The following ACMSD variants were observed in gnomAD, a reference collection of about 807,000 sequenced individuals.
The protein encoded by ACMSD is aminocarboxymuconate semialdehyde decarboxylase.
A neutral mutation model predicts 45.9 loss-of-function variants in ACMSD; 37 were observed. The ratio of observed to expected loss-of-function variants is 0.81; its 90% CI spans 0.62 to 1.06. The LOEUF is 1.06. Among genes scored for constraint, ACMSD ranks in the 50% least tolerant of loss-of-function variants. The probability of loss-of-function intolerance (pLI) is 0.00; values close to 1 mark genes in which losing one functional copy is unlikely to be tolerated. For synonymous variants in ACMSD, 138 were observed against 148.8 expected (o/e 0.93, Z 0.53); for missense variants, 434 against 420.9 (o/e 1.03, Z -0.27).
chr2:134,884,435 A>G (rs1248179307), intron 8 of ACMSD, among the ~76,000 whole-genome samples: 1 of 152,244 alleles, frequency 6.6e-6, no homozygotes, highest in Non-Finnish European at 1.5e-5. Context: ...GAAGAATTCC[A>G]GACTAGAAGG....
intron 8 of ACMSD, 123 bp from the exon 9 acceptor site, chr2:134,898,218 T>C (rs1262222266): frequency 3.6e-6 from 2 of 551,882 alleles, no homozygotes; most frequent in Non-Finnish European, 6.0e-6. Flanking sequence ...TTTATGTTTC[T>C]ATTAATCAGG....
chr2:134,848,806 T>C (rs1687199801), intron 2 of ACMSD, among the ~76,000 whole-genome samples: 1 of 152,246 alleles, frequency 6.6e-6, no homozygotes, highest in Non-Finnish European at 1.5e-5. Flanking sequence ...TTGCCATTGC[T>C]TCCGGTGTTT....
At chr2:134,846,120 A>G (rs1942051) in intron 2 of ACMSD, among the ~76,000 whole-genome samples, 91,714 of 152,032 alleles carry the variant, frequency 0.6, 29,728 homozygotes, top group Middle Eastern at 0.91. Flanking sequence ...TAAAGCAGGC[A>G]GGGAGGCTTG....
intron 2 of ACMSD, among the ~76,000 whole-genome samples, chr2:134,850,163 C>G (rs1473522543): frequency 6.6e-6 from 1 of 150,632 alleles, no homozygotes; most frequent in African/African-American, 2.4e-5. Flanking sequence ...GTAGAATGCA[C>G]TGCTTATGGC....
In ACMSD at chr2:134,863,492, C is replaced by T. The variant is rs549199608; in HGVS notation, c.347C>T (p.Thr116Met). The change falls in exon 5 of 10, where the codon ACG becomes ATG. Residue 116 changes from threonine (T) to methionine (M), a missense_variant. Physicochemically the swap from Thr to Met is moderately conservative, Grantham distance 81. Transcript: ENST00000356140. ...CCCAGGAGGTTCGTGGGTCTGGGGACGTTGCCCATGCAGGCCCCTGAGCTG... is the reference window on the plus strand; with the variant it reads ...CCCAGGAGGTTCGTGGGTCTGGGGATGTTGCCCATGCAGGCCCCTGAGCTG... Reference protein sequence around the residue: ...SYPRRFVGLGTLPMQAPELAV... With the variant: ...SYPRRFVGLGMLPMQAPELAV... 2.3e-4 allele frequency: 368 copies of T among 1,614,226 alleles called. 2 individuals carry two copies. The South Asian group carries it at 3.6e-3, about 16-fold the overall frequency.
chr2:134,901,314 C>T (rs1250520186), intron 9 of ACMSD, among the ~76,000 whole-genome samples: 1 of 152,198 alleles, frequency 6.6e-6, no homozygotes, highest in Non-Finnish European at 1.5e-5. Flanking sequence ...TTTGTACCCT[C>T]ATCTGAGACC....
At chr2:134,884,085 G>C (rs1204077123) in intron 8 of ACMSD, among the ~76,000 whole-genome samples, 2 of 152,066 alleles carry the variant, frequency 1.3e-5, no homozygotes, top group Non-Finnish European at 2.9e-5. Flanking sequence ...ACAGATAACA[G>C]GTATGAAAAA....
At chr2:134,866,806 T>A (rs1296063359) in intron 5 of ACMSD, among the ~76,000 whole-genome samples, 1 of 152,242 alleles carries the variant, frequency 6.6e-6, no homozygotes, top group East Asian at 1.9e-4. Flanking sequence ...TAAAGGTCAT[T>A]CCATCCAGAT....
intron 8 of ACMSD, among the ~76,000 whole-genome samples, chr2:134,885,360 A>G (rs1559065123): frequency 9.8e-6 from 1 of 101,576 alleles, no homozygotes; most frequent in African/African-American, 4.5e-5. Flanking sequence ...ATATATATTT[A>G]CATATATATT....
At position 134,838,823 on chromosome 2, in the gene ACMSD, T is replaced by C. The variant is rs1440063212; in HGVS notation, c.57+84T>C. The C allele has an allele frequency of 2.8e-6, 3 of 1,067,018 alleles. No homozygotes were observed. The Admixed American group carries it at 5.8e-5, about 21-fold the overall frequency. 66.1% of individuals were successfully genotyped at this position (1,067,018 alleles called of 1,614,324 possible). A position where few individuals can be genotyped will look rare whatever the true frequency, so the allele number is the denominator to read the frequency against. On this transcript the variant is annotated intron_variant, in intron 1 of 9. Transcript: ENST00000356140. ...TTTCTCTTCTTTGTGGAATTAGATGTCTAGTTTATCTGCTTTGGTGGGGGG... is the reference window on the plus strand; with the variant it reads ...TTTCTCTTCTTTGTGGAATTAGATGCCTAGTTTATCTGCTTTGGTGGGGGG...
At chr2:134,870,748 C>T (rs1688392310) in intron 6 of ACMSD, among the ~76,000 whole-genome samples, 1 of 152,206 alleles carries the variant, frequency 6.6e-6, no homozygotes, top group Admixed American at 6.5e-5. Flanking sequence ...GCTCCTCAAT[C>T]TCTCTAGCCA....
At position 134,877,150 on chromosome 2, in the gene ACMSD, G is replaced by A. The variant is rs150088925; in HGVS notation, c.849+4509G>A. On this transcript the variant is annotated intron_variant, in intron 8 of 9. Transcript: ENST00000356140. Reference sequence around the variant, plus strand: ...GCATCACCACAAACACTTGAGTAATGCATTGCACATAATAATAGTAGTAAT... The same window carrying A: ...GCATCACCACAAACACTTGAGTAATACATTGCACATAATAATAGTAGTAAT... Among the ~76,000 whole-genome samples, 172 of 152,292 alleles carry A rather than the reference G, an allele frequency of 1.1e-3. 5 individuals are homozygous for A. In the Middle Eastern group the frequency reaches 0.041, roughly 36 times the overall value.
rs1159967534 is a variant in ACMSD at position 134,886,261 on chromosome 2, T to A, written c.850-12080T>A. Among the ~76,000 whole-genome samples, 23 of 137,992 alleles carry A rather than the reference T, an allele frequency of 1.7e-4. 1 individual carries two copies. Among genetic ancestry groups the A allele is most frequent in the African/African-American group, 6.3e-4 (22 of 35,008 alleles). 90.5% of individuals were successfully genotyped at this position (137,992 alleles called of 152,430 possible). A position where few individuals can be genotyped will look rare whatever the true frequency, so the allele number is the denominator to read the frequency against. On this transcript the variant is annotated intron_variant, in intron 8 of 9. Coordinates refer to ENST00000356140, the MANE Select transcript of ACMSD (RefSeq NM_138326.3). ...TATTATTATTATTTTTTTTTTTTTTTTTTTTTTGGCAGAGTCTCGCTCTGC... is the reference window on the plus strand; with the variant it reads ...TATTATTATTATTTTTTTTTTTTTTATTTTTTTGGCAGAGTCTCGCTCTGC...
Position 134,886,321 on chromosome 2 carries a change from T to C in ACMSD, c.850-12020T>C. Among the ~76,000 whole-genome samples, 2 of 147,936 alleles carry C rather than the reference T, an allele frequency of 1.4e-5. 1 individual carries two copies. ...TGACGTGCAGTGGCGCCATCTTGGC[T>C]CACTACAAGCTCCGCCTCCCGGGTT... On this transcript the variant is annotated intron_variant, in intron 8 of 9. Transcript: ENST00000356140.
At chr2:134,898,883 G>A (rs190209319) in intron 9 of ACMSD, among the ~76,000 whole-genome samples, 14 of 151,816 alleles carry the variant, frequency 9.2e-5, no homozygotes, top group African/African-American at 2.7e-4. Context: ...TTTTCCCGGC[G>A]TTTGACTTTT....
intron 8 of ACMSD, among the ~76,000 whole-genome samples, chr2:134,877,915 T>G (rs1688836619): frequency 6.6e-6 from 1 of 152,194 alleles, no homozygotes; most frequent in African/African-American, 2.4e-5. Context: ...AGGCATATTT[T>G]AAAACTACCT....
At position 134,859,367 on chromosome 2, in the gene ACMSD, G is replaced by A; in HGVS notation, c.199+10G>A. The stretch of plus-strand genomic sequence containing the variant: ...GAAATGGACCAAAAAGGTACGATGA[G>A]AAGTGCTACCAATGTTAGCATCTGA... On this transcript the variant is annotated intron_variant, in intron 3 of 9. Transcript: ENST00000356140. 2 of 1,612,576 alleles carry A rather than the reference G, an allele frequency of 1.2e-6. No individual in the cohort carries two copies. Among genetic ancestry groups the A allele is most frequent in the Non-Finnish European group, 1.7e-6 (2 of 1,178,688 alleles).
At chr2:134,886,246 A>ATTATTTTTT in intron 8 of ACMSD, among the ~76,000 whole-genome samples, 1 of 115,476 alleles carries the variant, frequency 8.7e-6, no homozygotes, top group Non-Finnish European at 1.8e-5. Flanking sequence ...TATTATTATT[A>ATTATTTTTT]TTTTTTTTTT....
At chr2:134,894,359 CAAATG>C (rs1167582005) in intron 8 of ACMSD, among the ~76,000 whole-genome samples, 2 of 151,940 alleles carry the variant, frequency 1.3e-5, no homozygotes, top group African/African-American at 4.8e-5. Context: ...TATATGACAA[CAAATG>C]AAATAACCTA....
Sources: gnomAD v4.1 joint callset for allele counts (sites outside exome capture counted in the v4.1 genomes callset) on GRCh38, gnomAD v4.1.1 for gene constraint, MANE v1.5 for transcripts, NCBI Gene and HGNC (gene_info 2026-07-23, HGNC 2026-07-21) for gene names.